The following TENM3 variants were observed in gnomAD, a reference collection of about 807,000 sequenced individuals.
The protein encoded by TENM3 is teneurin-3.
Under a neutral mutation model 255.1 loss-of-function variants are expected in TENM3, and 63 were observed. That is an observed-to-expected ratio of 0.25 (90% CI 0.20 to 0.30). The LOEUF is 0.30. Among genes scored for constraint, TENM3 ranks in the 10% least tolerant of loss-of-function variants. The probability of loss-of-function intolerance (pLI) is 1.00; values close to 1 mark genes in which losing one functional copy is unlikely to be tolerated. For synonymous variants in TENM3, 1,306 were observed against 1,322.3 expected (o/e 0.99, Z 0.27); for missense variants, 2,929 against 3,461.1 (o/e 0.85, Z 3.86).
intron 3 of TENM3, among the ~76,000 whole-genome samples, chr4:182,368,354 T>A (rs1766569192): frequency 6.6e-6 from 1 of 152,120 alleles, no homozygotes; most frequent in South Asian, 2.1e-4. Flanking sequence ...GTTGGTTGAG[T>A]TTTGTAGACA....
the TENM3 span, among the ~76,000 whole-genome samples, chr4:182,103,966 A>C: frequency 6.6e-6 from 1 of 152,220 alleles, no homozygotes; most frequent in Non-Finnish European, 1.5e-5. Context: ...CAGGTGTCTT[A>C]ATGTAAATCA....
chr4:182,772,006 G>A (rs1489882017), intron 22 of TENM3, among the ~76,000 whole-genome samples: 1 of 152,056 alleles, frequency 6.6e-6, no homozygotes. Flanking sequence ...GACCGATACT[G>A]TCCCCACCGA....
At chr4:182,065,118 A>C in the TENM3 span, among the ~76,000 whole-genome samples, 1 of 146,946 alleles carries the variant, frequency 6.8e-6, no homozygotes, top group African/African-American at 2.5e-5. Context: ...CACCTCAACC[A>C]CCACCTCCAG....
At chr4:181,603,638 GT>G in the TENM3 span, among the ~76,000 whole-genome samples, 1 of 152,122 alleles carries the variant, frequency 6.6e-6, no homozygotes, top group African/African-American at 2.4e-5. Flanking sequence ...AAATATTAAA[GT>G]GCTTCTTCAC....
the TENM3 span, among the ~76,000 whole-genome samples, chr4:181,815,566 A>G: frequency 6.6e-6 from 1 of 152,136 alleles, no homozygotes; most frequent in Non-Finnish European, 1.5e-5. Flanking sequence ...TATAGAAGAT[A>G]TTAGAAAAAT....
chr4:182,160,500 TGAA>T (rs1751067725), intron 1 of TENM3, among the ~76,000 whole-genome samples: 1 of 152,208 alleles, frequency 6.6e-6, no homozygotes, highest in African/African-American at 2.4e-5. Flanking sequence ...AAGACAAACT[TGAA>T]TATGGTAAAA....
At chr4:181,620,080 G>A in the TENM3 span, among the ~76,000 whole-genome samples, 6 of 152,026 alleles carry the variant, frequency 3.9e-5, no homozygotes, top group Admixed American at 3.9e-4. Flanking sequence ...GGGCAACATA[G>A]GGAGACTCCA....
At chr4:182,797,049 C>T (rs61256492) in intron 27 of TENM3, among the ~76,000 whole-genome samples, 1 of 152,046 alleles carries the variant, frequency 6.6e-6, no homozygotes, top group East Asian at 1.9e-4. Context: ...AAAGCGTGGA[C>T]CTGAAGGCAA....
In TENM3 at chr4:182,466,076, C is replaced by G. The variant is rs887714722; in HGVS notation, c.511+119147C>G. 2.6e-5 allele frequency among the ~76,000 whole-genome samples: 4 copies of G among 151,976 alleles called. No individual in the cohort carries two copies. The East Asian group carries it at 7.7e-4, about 29-fold the overall frequency. On this transcript the variant is annotated intron_variant, in intron 3 of 27. Coordinates refer to ENST00000511685, the MANE Select transcript of TENM3 (RefSeq NM_001080477.4). ...TTAGTTTAAACCTCAATGTAAATCA[C>G]CAAAGAATACATGAAGACAAAACAA...
At chr4:182,178,635 T>G (rs1217693912) in intron 1 of TENM3, among the ~76,000 whole-genome samples, 2 of 152,206 alleles carry the variant, frequency 1.3e-5, no homozygotes, top group African/African-American at 4.8e-5. Context: ...TGTGGAATAT[T>G]TAAGCTAAAT....
chr4:181,918,609 T>C, the TENM3 span, among the ~76,000 whole-genome samples: 1 of 152,222 alleles, frequency 6.6e-6, no homozygotes, highest in Non-Finnish European at 1.5e-5. Context: ...GTCCTGATTA[T>C]TTTGGCTTTG....
the TENM3 span, among the ~76,000 whole-genome samples, chr4:182,030,519 T>A: frequency 6.6e-6 from 1 of 152,202 alleles, no homozygotes; most frequent in South Asian, 2.1e-4. Flanking sequence ...TTTTTGCTAT[T>A]GGGAAAAGTG....
the TENM3 span, among the ~76,000 whole-genome samples, chr4:181,460,909 TAA>T: frequency 5.3e-5 from 8 of 151,950 alleles, no homozygotes. Flanking sequence ...AGTTATCTTA[TAA>T]AGAGATTAAA....
At chr4:182,439,062 T>G (rs1486845233) in intron 3 of TENM3, among the ~76,000 whole-genome samples, 1 of 152,212 alleles carries the variant, frequency 6.6e-6, no homozygotes, top group Non-Finnish European at 1.5e-5. Flanking sequence ...GAGTTACATT[T>G]AACTTGCTCA....
the TENM3 span, among the ~76,000 whole-genome samples, chr4:181,903,208 T>TA: frequency 0.16 from 23,687 of 149,984 alleles, 2,074 homozygotes; most frequent in Non-Finnish European, 0.2. Context: ...ATTTCTGATT[T>TA]AAAAAAAAAA....
intron 16 of TENM3, among the ~76,000 whole-genome samples, chr4:182,734,238 T>C (rs1760995555): frequency 6.6e-6 from 1 of 152,088 alleles, no homozygotes; most frequent in Non-Finnish European, 1.5e-5. Context: ...ATTGAAGATG[T>C]GTAAGCAACA....
the TENM3 span, among the ~76,000 whole-genome samples, chr4:181,565,470 T>C: frequency 6.6e-6 from 1 of 152,108 alleles, no homozygotes; most frequent in African/African-American, 2.4e-5. Context: ...AAAAAGTAAA[T>C]CTTAGAAGGT....
chr4:182,419,419 G>C (rs1274682578), intron 3 of TENM3, among the ~76,000 whole-genome samples: 5 of 152,188 alleles, frequency 3.3e-5, no homozygotes, highest in Non-Finnish European at 7.3e-5. Flanking sequence ...TACACTGTTG[G>C]TGGGAGTGTA....
the TENM3 span, among the ~76,000 whole-genome samples, chr4:181,951,651 C>T: frequency 1.3e-5 from 2 of 152,202 alleles, no homozygotes; most frequent in Non-Finnish European, 2.9e-5. Flanking sequence ...GAGATGGACA[C>T]ATGTAAACTC....
Sources: allele counts gnomAD v4.1 joint callset (sites outside exome capture counted in the v4.1 genomes callset), GRCh38; gene constraint gnomAD v4.1.1; transcripts MANE v1.5; gene names NCBI Gene and HGNC (gene_info 2026-07-23, HGNC 2026-07-21).